Variants in CPS1 observed in about 807,000 individuals in gnomAD.
The protein encoded by CPS1 is carbamoyl-phosphate synthase 1.
Under a neutral mutation model 174.6 loss-of-function variants are expected in CPS1, and 109 were observed. The observed-to-expected ratio is 0.62, with a 90% CI of 0.53 to 0.73. The LOEUF (loss-of-function observed/expected upper bound fraction) is 0.73. Ranked by LOEUF, CPS1 falls within the 30% of genes least tolerant of loss-of-function variation. The pLI, the probability that CPS1 is intolerant of heterozygous loss-of-function variation, is 0.00. For synonymous variants in CPS1, 637 were observed against 632.0 expected, an observed-to-expected ratio of 1.01 and a Z score of -0.12; for missense variants, 1,689 against 1,821.9, an observed-to-expected ratio of 0.93 and a Z score of 1.33.
At chr2:210,669,733 G>A (rs16844773) in intron 34 of CPS1, among the ~76,000 whole-genome samples, 11,535 of 152,200 alleles carry the variant, frequency 0.076, 440 homozygotes, top group Middle Eastern at 0.11. Context: ...GACTCATCAT[G>A]TTATAAATGG....
intron 2 of CPS1, among the ~76,000 whole-genome samples, chr2:210,574,858 A>G (rs540838588): frequency 8.4e-6 from 1 of 119,112 alleles, no homozygotes; most frequent in South Asian, 2.9e-4. Flanking sequence ...AAGAGAAGTA[A>G]AATCAAATTA....
chr2:210,558,424 T>G (rs567024191), intron 1 of CPS1, among the ~76,000 whole-genome samples: 1 of 152,176 alleles, frequency 6.6e-6, no homozygotes, highest in East Asian at 1.9e-4. Flanking sequence ...TATTCTAAAC[T>G]AACATCAAAG....
intron 6 of CPS1, among the ~76,000 whole-genome samples, chr2:210,583,572 G>T (rs1374849631): frequency 6.6e-6 from 1 of 152,096 alleles, no homozygotes; most frequent in Non-Finnish European, 1.5e-5. Context: ...AGAACCAGGA[G>T]AACTTTGTTT....
intron 21 of CPS1, among the ~76,000 whole-genome samples, chr2:210,633,939 T>C (rs1009089845): frequency 6.6e-6 from 1 of 152,216 alleles, no homozygotes; most frequent in Non-Finnish European, 1.5e-5. Context: ...GGATGACTGT[T>C]CTTCAGAGTT....
chr2:210,570,473 A>G (rs1697438612), intron 1 of CPS1, among the ~76,000 whole-genome samples: 1 of 151,960 alleles, frequency 6.6e-6, no homozygotes, highest in African/African-American at 2.4e-5. Flanking sequence ...GAAAGTGTCT[A>G]ACCCAGATAT....
Position 210,656,516 on chromosome 2 carries a change from T to C in CPS1, c.3559-9T>C, listed in dbSNP as rs760610209. The C allele has an allele frequency of 1.9e-6, 3 of 1,601,782 alleles. No homozygotes were observed. Among genetic ancestry groups the C allele is most frequent in the East Asian group, 4.5e-5 (2 of 44,742 alleles). ...TTTTCTAAAATCCTTTTTTTTTTTT[T>C]TTGGCCAGGTTATCTCTCATGCCAT... On this transcript the variant is annotated splice_polypyrimidine_tract_variant and intron_variant, in intron 29 of 37. Coordinates refer to ENST00000233072, the MANE Select transcript of CPS1 (RefSeq NM_001875.5).
At chr2:210,574,575 G>A (rs996438980) in intron 2 of CPS1, among the ~76,000 whole-genome samples, 18 of 151,952 alleles carry the variant, frequency 1.2e-4, no homozygotes, top group Admixed American at 5.9e-4. Flanking sequence ...TAAACTTTTC[G>A]ACAGCACTAA....
intron 1 of CPS1, among the ~76,000 whole-genome samples, chr2:210,502,907 T>A (rs948411426): frequency 1.3e-5 from 2 of 152,336 alleles, no homozygotes; most frequent in Admixed American, 1.3e-4. Context: ...TCACCTTAAT[T>A]GACTGAAGAG....
At chr2:210,571,364 A>G (rs1280789957) in intron 1 of CPS1, among the ~76,000 whole-genome samples, 2 of 151,914 alleles carry the variant, frequency 1.3e-5, no homozygotes, top group Non-Finnish European at 2.9e-5. Flanking sequence ...GCATATGCTC[A>G]CTCACACACA....
Position 210,573,337 on chromosome 2 carries a change from A to G in CPS1, c.166A>G (p.Met56Val). The G allele has an allele frequency of 6.2e-7, 1 of 1,613,270 alleles. No individual in the cohort carries two copies. Among genetic ancestry groups the G allele is most frequent in the Non-Finnish European group, 8.5e-7 (1 of 1,179,306 alleles). ...AHIVLEDGTK[M>V]KGYSFGHPSS... ...CATTGTCCTGGAAGATGGAACTAAGATGAAAGGTTACTCCTTTGGCCATCC... is the reference window on the plus strand; with the variant it reads ...CATTGTCCTGGAAGATGGAACTAAGGTGAAAGGTTACTCCTTTGGCCATCC... Residue 56 changes from methionine (M) to valine (V), a missense_variant, in exon 2 of 38, where the codon ATG becomes GTG. By Grantham distance (21) the Met-to-Val change is conservative. Coordinates refer to ENST00000233072, the MANE Select transcript of CPS1 (RefSeq NM_001875.5).
At chr2:210,615,815 A>T (rs1296592313) in intron 20 of CPS1, among the ~76,000 whole-genome samples, 1 of 152,012 alleles carries the variant, frequency 6.6e-6, no homozygotes, top group Non-Finnish European at 1.5e-5. Context: ...TTAGGATTTT[A>T]AAAAATGCCT....
At chr2:210,662,499 C>T (rs1212814927) in intron 32 of CPS1, among the ~76,000 whole-genome samples, 1 of 152,022 alleles carries the variant, frequency 6.6e-6, no homozygotes, top group Non-Finnish European at 1.5e-5. Flanking sequence ...GGACACATAG[C>T]GAGAAACAAG....
intron 16 of CPS1, 93 bp downstream of exon 16, chr2:210,602,423 C>A: frequency 7.0e-7 from 1 of 1,437,750 alleles, no homozygotes; most frequent in Non-Finnish European, 9.7e-7. Flanking sequence ...TGAGAAATTA[C>A]ATTTTCTTTA....
chr2:210,554,304 A>G (rs956285680), upstream of CPS1, among the ~76,000 whole-genome samples: 1 of 149,406 alleles, frequency 6.7e-6, no homozygotes, highest in Non-Finnish European at 1.5e-5. Context: ...GTAGTTTGCA[A>G]GTCTGCATCT....
At chr2:210,622,753 C>G (rs968146643) in intron 21 of CPS1, among the ~76,000 whole-genome samples, 1 of 120,570 alleles carries the variant, frequency 8.3e-6, no homozygotes, top group African/African-American at 3.2e-5. Context: ...TATTGAAAGA[C>G]AATCATGATA....
At chr2:210,612,721 C>G (rs1699172122) in intron 20 of CPS1, among the ~76,000 whole-genome samples, 1 of 151,788 alleles carries the variant, frequency 6.6e-6, no homozygotes, top group African/African-American at 2.4e-5. Flanking sequence ...CCACTTGAGT[C>G]TAGAATAATC....
intron 8 of CPS1, 32 bp from the exon 9 acceptor site, chr2:210,590,768 T>C: frequency 6.4e-7 from 1 of 1,560,404 alleles, no homozygotes; most frequent in Non-Finnish European, 8.8e-7. Context: ...GGAACTGTAC[T>C]AATTGGTTAA....
intron 25 of CPS1, among the ~76,000 whole-genome samples, chr2:210,643,721 T>C (rs954599710): frequency 6.6e-6 from 1 of 152,128 alleles, no homozygotes; most frequent in Non-Finnish European, 1.5e-5. Flanking sequence ...TGTATAATTA[T>C]AGTTGTCTAC....
chr2:210,642,415 T>G, intron 24 of CPS1, 69 bp from the exon 25 acceptor site: 1 of 1,568,486 alleles, frequency 6.4e-7, no homozygotes, highest in Non-Finnish European at 8.8e-7. Context: ...GGTGATACAT[T>G]TCTGCTTCTC....
Sources: allele counts gnomAD v4.1 joint callset (sites outside exome capture counted in the v4.1 genomes callset), GRCh38; gene constraint gnomAD v4.1.1; transcripts MANE v1.5; gene names NCBI Gene and HGNC (gene_info 2026-07-23, HGNC 2026-07-21).